RIMS2: variants seen among roughly 807,000 people sequenced by gnomAD.
RIMS2 encodes regulating synaptic membrane exocytosis 2, also known as regulating synaptic membrane exocytosis protein 2.
RIMS2 carries 59 observed loss-of-function variants against 174.4 expected under a neutral mutation model. The ratio of observed to expected loss-of-function variants is 0.34; its 90% CI spans 0.27 to 0.42. The LOEUF is 0.42. RIMS2 is among the 10% of genes least tolerant of loss of function. The probability of loss-of-function intolerance (pLI) is 1.00; values close to 1 mark genes in which losing one functional copy is unlikely to be tolerated. For missense variants in RIMS2, 1,620 were observed against 1,666.3 expected, an observed-to-expected ratio of 0.97 and a Z score of 0.48; for synonymous variants, 606 against 572.5, an observed-to-expected ratio of 1.06 and a Z score of -0.84.
At chr8:103,528,791 G>A (rs1278504381) in intron 1 of RIMS2, among the ~76,000 whole-genome samples, 1 of 152,124 alleles carries the variant, frequency 6.6e-6, no homozygotes, top group South Asian at 2.1e-4. Flanking sequence ...TTTGGTTACT[G>A]TAGCCTTGTA....
intron 19 of RIMS2, among the ~76,000 whole-genome samples, chr8:104,105,807 G>A (rs190576026): frequency 2.1e-3 from 321 of 152,060 alleles, no homozygotes; most frequent in African/African-American, 7.5e-3. Flanking sequence ...GGGAGGCCGA[G>A]GTGGGCAGAT....
chr8:103,710,472 C>T (rs2097290529), intron 2 of RIMS2, among the ~76,000 whole-genome samples: 1 of 151,918 alleles, frequency 6.6e-6, no homozygotes, highest in Admixed American at 6.6e-5. Flanking sequence ...ATTATACCCT[C>T]TTAATAAATA....
chr8:104,189,582 T>TTTTATA (rs1554596362), intron 19 of RIMS2, among the ~76,000 whole-genome samples: 5 of 145,226 alleles, frequency 3.4e-5, no homozygotes, highest in African/African-American at 1.2e-4. Context: ...AATATATACA[T>TTTTATA]TATATATATA....
intron 3 of RIMS2, among the ~76,000 whole-genome samples, chr8:103,816,342 A>T (rs1177536510): frequency 6.6e-6 from 1 of 152,212 alleles, no homozygotes; most frequent in Admixed American, 6.5e-5. Flanking sequence ...GTGATTGAAA[A>T]AGAATTAACT....
At chr8:103,716,865 G>C (rs2097373843) in intron 2 of RIMS2, among the ~76,000 whole-genome samples, 1 of 151,906 alleles carries the variant, frequency 6.6e-6, no homozygotes, top group African/African-American at 2.4e-5. Context: ...TTAAATGTTG[G>C]ATGTATTCAT....
chr8:103,989,506 A>G, intron 17 of RIMS2, 85 bp downstream of exon 19: 1 of 661,442 alleles, frequency 1.5e-6, no homozygotes, highest in Non-Finnish European at 2.5e-6. Context: ...ATTTTCACAT[A>G]TTCCTTTTTC....
intron 4 of RIMS2, among the ~76,000 whole-genome samples, chr8:103,905,395 T>C (rs2074155840): frequency 6.6e-6 from 1 of 152,270 alleles, no homozygotes. Flanking sequence ...ATTTTAGCAA[T>C]TGAAAAATAT....
chr8:103,542,359 A>T (rs1417694598), intron 1 of RIMS2, among the ~76,000 whole-genome samples: 3 of 152,204 alleles, frequency 2.0e-5, no homozygotes, highest in Non-Finnish European at 4.4e-5. Flanking sequence ...GTTTCCCATC[A>T]AAGCAAAGCC....
At chr8:104,236,374 G>T (rs2099258745) in intron 19 of RIMS2, among the ~76,000 whole-genome samples, 1 of 151,950 alleles carries the variant, frequency 6.6e-6, no homozygotes, top group African/African-American at 2.4e-5. Flanking sequence ...TCCAATAATT[G>T]TAATATCCAG....
At chr8:103,684,672 C>T (rs562345227) in intron 1 of RIMS2, among the ~76,000 whole-genome samples, 7 of 151,748 alleles carry the variant, frequency 4.6e-5, no homozygotes, top group Non-Finnish European at 1.0e-4. Flanking sequence ...CCGCAACTTC[C>T]GCCTCCCAGG....
At chr8:104,041,562 A>T (rs2096609459) in intron 19 of RIMS2, among the ~76,000 whole-genome samples, 2 of 151,694 alleles carry the variant, frequency 1.3e-5, no homozygotes, top group Non-Finnish European at 3.0e-5. Context: ...AAGTAAAATA[A>T]TTAATTTTTA....
intron 2 of RIMS2, among the ~76,000 whole-genome samples, chr8:103,752,259 G>T (rs918814927): frequency 2.4e-4 from 37 of 152,066 alleles, no homozygotes; most frequent in Admixed American, 5.9e-4. Context: ...TCAGATAGTT[G>T]TAGATATGCA....
chr8:103,819,303 T>C, intron 3 of RIMS2: 1 of 1,392,378 alleles, frequency 7.2e-7, no homozygotes, highest in Non-Finnish European at 9.3e-7. Context: ...GCTGCACGGG[T>C]ACTGAATCTT....
Position 103,524,176 on chromosome 8 carries a change from T to C in RIMS2, c.176+23114T>C, listed in dbSNP as rs533329925. 1.4e-4 allele frequency among the ~76,000 whole-genome samples: 21 copies of C among 151,902 alleles called. No individual in the cohort carries two copies. The South Asian group carries it at 4.4e-3, about 32-fold the overall frequency. On this transcript the variant is annotated intron_variant, in intron 1 of 23. Coordinates refer to ENST00000504942, the Ensembl canonical transcript of RIMS2. ...TTGCCCCAAGTGTTATTAAAATACATAACGACATAGGTGTCATTGGTATAC... is the reference window on the plus strand; with the variant it reads ...TTGCCCCAAGTGTTATTAAAATACACAACGACATAGGTGTCATTGGTATAC...
chr8:103,529,017 T>C (rs1312375775), intron 1 of RIMS2, among the ~76,000 whole-genome samples: 20 of 152,340 alleles, frequency 1.3e-4, no homozygotes, highest in Non-Finnish European at 1.5e-5. Flanking sequence ...AGTCTTCCTA[T>C]CCATGAGCAT....
chr8:104,135,166 G>A (rs970860358), intron 19 of RIMS2, among the ~76,000 whole-genome samples: 3 of 152,158 alleles, frequency 2.0e-5, no homozygotes, highest in Non-Finnish European at 4.4e-5. Context: ...AGCAGAAGGT[G>A]AGAGATTTGA....
intron 19 of RIMS2, among the ~76,000 whole-genome samples, chr8:104,243,505 C>A (rs955200528): frequency 6.6e-6 from 1 of 151,968 alleles, no homozygotes; most frequent in Non-Finnish European, 1.5e-5. Context: ...GCCAACATAG[C>A]GAAACCCCAT....
intron 1 of RIMS2, among the ~76,000 whole-genome samples, chr8:103,532,866 C>T (rs1056228252): frequency 2.0e-5 from 3 of 150,900 alleles, no homozygotes; most frequent in African/African-American, 7.3e-5. Flanking sequence ...AACAAAAAAA[C>T]AAAAAAAGAA....
intron 3 of RIMS2, among the ~76,000 whole-genome samples, chr8:103,855,821 G>T (rs951706439): frequency 6.6e-6 from 1 of 152,114 alleles, no homozygotes; most frequent in Non-Finnish European, 1.5e-5. Flanking sequence ...TGGGAACAGC[G>T]TATATTTTGT....
Sources: allele counts gnomAD v4.1 joint callset (sites outside exome capture counted in the v4.1 genomes callset), GRCh38; gene constraint gnomAD v4.1.1; transcripts MANE v1.5; gene names NCBI Gene and HGNC (gene_info 2026-07-23, HGNC 2026-07-21).